OSBPL8: variants seen among roughly 807,000 people sequenced by gnomAD.
The protein encoded by OSBPL8 is oxysterol binding protein like 8.
Under a neutral mutation model 125.5 loss-of-function variants are expected in OSBPL8, and 59 were observed. That is an observed-to-expected ratio of 0.47 (90% CI 0.38 to 0.58). OSBPL8 has a LOEUF of 0.58. OSBPL8 is among the 20% of genes least tolerant of loss of function. The pLI, the probability that OSBPL8 is intolerant of heterozygous loss-of-function variation, is 0.00. For synonymous variants in OSBPL8, 330 were observed against 338.9 expected (o/e 0.97, Z 0.29); for missense variants, 758 against 1,047.8 (o/e 0.72, Z 3.82).
At chr12:76,500,419 G>T (rs1190850053) in intron 1 of OSBPL8, among the ~76,000 whole-genome samples, 3 of 152,098 alleles carry the variant, frequency 2.0e-5, no homozygotes, top group Non-Finnish European at 4.4e-5. Context: ...CTTCACGAAG[G>T]CTTCCTTGAT....
chr12:76,402,579 G>GT lies in OSBPL8; in HGVS notation c.366+109dup, dbSNP rs570320638. 3.8e-6 allele frequency: 3 copies of GT among 782,138 alleles called. No individual in the cohort carries two copies. The African/African-American group carries it at 5.4e-5, about 14-fold the overall frequency. 48.4% of individuals were successfully genotyped at this position (782,138 alleles called of 1,614,324 possible). ...TGCCTGCCTGTCTGTACCACTGGAT[G>GT]TTTTTTCTTTCTTTAGGAACACACA... is the stretch of plus-strand genomic sequence containing the variant. On this transcript the variant is annotated intron_variant, in intron 6 of 23. Coordinates refer to ENST00000261183, the MANE Select transcript of OSBPL8 (RefSeq NM_020841.5).
intron 2 of OSBPL8, among the ~76,000 whole-genome samples, chr12:76,471,632 G>C (rs1876148442): frequency 6.6e-6 from 1 of 152,166 alleles, no homozygotes; most frequent in Non-Finnish European, 1.5e-5. Context: ...ACATGGTTGA[G>C]TCACTTCAAT....
chr12:76,450,271 A>T (rs1873225136), intron 4 of OSBPL8, among the ~76,000 whole-genome samples: 1 of 152,136 alleles, frequency 6.6e-6, no homozygotes, highest in Non-Finnish European at 1.5e-5. Context: ...GCCCTCCACA[A>T]CAAAGAACTT....
chr12:76,434,437 G>C (rs1339178233), intron 4 of OSBPL8, among the ~76,000 whole-genome samples: 1 of 152,120 alleles, frequency 6.6e-6, no homozygotes, highest in Non-Finnish European at 1.5e-5. Flanking sequence ...CTTGACATTG[G>C]TCAGGGCAAT....
rs1182437110 is a variant in OSBPL8, at chr12:76,388,603, CAAT to C, written c.1352+1039_1352+1041del. Among the ~76,000 whole-genome samples, 14 of 152,262 alleles carry C rather than the reference CAAT, an allele frequency of 9.2e-5. No individual in the cohort carries two copies. In the East Asian group the frequency reaches 1.7e-3, roughly 19 times the overall value. On this transcript the variant is annotated intron_variant, in intron 12 of 23. Transcript: ENST00000261183. The stretch of plus-strand genomic sequence containing the variant: ...TTTTGTCAATGTGGTGGATAAACAA[CAAT>C]AACTTACTATAATTCAAATGTACAT...
chr12:76,372,669 C>T (rs1234801158), intron 18 of OSBPL8, among the ~76,000 whole-genome samples: 1 of 152,124 alleles, frequency 6.6e-6, no homozygotes, highest in Non-Finnish European at 1.5e-5. Flanking sequence ...ATACTCAGTG[C>T]TCATAGTATG....
chr12:76,447,386 C>T (rs1320461361), intron 4 of OSBPL8, among the ~76,000 whole-genome samples: 2 of 152,194 alleles, frequency 1.3e-5, no homozygotes, highest in African/African-American at 2.4e-5. Flanking sequence ...ACAAAGTATT[C>T]TTGCCAAAAA....
rs116603619 is a variant in OSBPL8 at position 76,441,992 on chromosome 12, T to C, written c.217+8859A>G. On this transcript the variant is annotated intron_variant, in intron 4 of 23. Coordinates refer to ENST00000261183, the MANE Select transcript of OSBPL8 (RefSeq NM_020841.5). The stretch of plus-strand genomic sequence containing the variant: ...AATGCTCGAGGAAATACATAACATA[T>C]TTTCCATGATGTGATTATTAGGCAT... Among the ~76,000 whole-genome samples the C allele has an allele frequency of 5.6e-3, 858 of 152,262 alleles. 15 individuals carry two copies. The highest frequency in any genetic ancestry group is 0.02 in the African/African-American group (832 of 41,554).
At chr12:76,391,335 G>A (rs2136296651) in intron 10 of OSBPL8, among the ~76,000 whole-genome samples, 1 of 152,110 alleles carries the variant, frequency 6.6e-6, no homozygotes, top group South Asian at 2.1e-4. Context: ...AAAGTGATTA[G>A]GGCAAAAAAT....
intron 1 of OSBPL8, among the ~76,000 whole-genome samples, chr12:76,542,026 C>A (rs1164128104): frequency 6.6e-6 from 1 of 152,004 alleles, no homozygotes; most frequent in African/African-American, 2.4e-5. Flanking sequence ...ACAAAATTAG[C>A]CAGGCGTGGT....
At chr12:76,506,789 A>G (rs1245419566) in intron 1 of OSBPL8, among the ~76,000 whole-genome samples, 1 of 152,186 alleles carries the variant, frequency 6.6e-6, no homozygotes, top group African/African-American at 2.4e-5. Flanking sequence ...AAGTACACCA[A>G]TCTCTTCATC....
chr12:76,475,125 A>G (rs1017504585), intron 2 of OSBPL8, among the ~76,000 whole-genome samples: 1 of 151,968 alleles, frequency 6.6e-6, no homozygotes, highest in Non-Finnish European at 1.5e-5. Context: ...ACTCCCATGA[A>G]TTTTTTTTAT....
chr12:76,459,886 C>G lies in OSBPL8; in HGVS notation c.52G>C (p.Asp18His). 3 of 1,613,768 alleles carry G rather than the reference C, an allele frequency of 1.9e-6. No homozygotes were observed. Among genetic ancestry groups the G allele is most frequent in the Non-Finnish European group, 2.5e-6 (3 of 1,179,956 alleles). The change falls in exon 3 of 24, where the codon GAT becomes CAT. Residue 18 changes from aspartate (D) to histidine (H), a missense_variant. This residue lies in a region of OSBPL8 where 117 missense variants were observed against 137.1 expected (regional missense o/e 0.85). Transcript: ENST00000261183. ...GATGGCCCAAGGACATCTTTGCTAT[C>G]ACCAAGAAGCTTTTAAGGCAGGGTA... ...GEPDRTSLLG[D>H]SKDVLGPSTV...
At chr12:76,399,497 C>G (rs1336849505) in intron 7 of OSBPL8, among the ~76,000 whole-genome samples, 1 of 152,086 alleles carries the variant, frequency 6.6e-6, no homozygotes, top group African/African-American at 2.4e-5. Flanking sequence ...TTTAAAATAG[C>G]TTTTATATTA....
chr12:76,410,623 C>T lies in OSBPL8; in HGVS notation c.229G>A (p.Gly77Arg). ...TTATTTTGAGAAATATCTTCCTTCC[C>T]TCTTTCAAAACCTTAAAAAAATAGT... Reference protein sequence around the residue: ...ASPHSQGFERGKEDISQNKDE... With the variant: ...ASPHSQGFERRKEDISQNKDE... Residue 77 changes from glycine to arginine, a missense_variant, in exon 5 of 24, where the codon GGG becomes AGG. Gly to Arg is a moderately radical substitution (Grantham distance 125, BLOSUM62 -2). Coordinates refer to ENST00000261183, the MANE Select transcript of OSBPL8 (RefSeq NM_020841.5). 1.2e-6 allele frequency: 2 copies of T among 1,604,624 alleles called. No individual in the cohort carries two copies. The highest frequency in any genetic ancestry group is 1.7e-6 in the Non-Finnish European group (2 of 1,172,580).
intron 1 of OSBPL8, among the ~76,000 whole-genome samples, chr12:76,512,204 T>G (rs1316959292): frequency 6.6e-6 from 1 of 152,192 alleles, no homozygotes; most frequent in Non-Finnish European, 1.5e-5. Context: ...AACTCCCACT[T>G]ATAAGAGAGA....
chr12:76,496,590 G>T (rs1879301320), intron 1 of OSBPL8, among the ~76,000 whole-genome samples: 1 of 151,874 alleles, frequency 6.6e-6, no homozygotes, highest in South Asian at 2.1e-4. Flanking sequence ...GCCCAGGCTG[G>T]AGTGCAATGG....
chr12:76,513,909 T>G (rs1237208561), intron 1 of OSBPL8, among the ~76,000 whole-genome samples: 1 of 152,036 alleles, frequency 6.6e-6, no homozygotes, highest in Non-Finnish European at 1.5e-5. Context: ...GCCTTTTAAG[T>G]GGGGCACTGA....
chr12:76,475,309 A>C (rs1876670377), intron 2 of OSBPL8, among the ~76,000 whole-genome samples: 2 of 152,188 alleles, frequency 1.3e-5, no homozygotes, highest in African/African-American at 4.8e-5. Context: ...TATGTTTAAA[A>C]GCTAAGTAGT....
Sources: gnomAD v4.1 joint callset for allele counts (sites outside exome capture counted in the v4.1 genomes callset) on GRCh38, gnomAD v4.1.1 for gene constraint, gnomAD v4.1.1 regional missense constraint, MANE v1.5 for transcripts, NCBI Gene and HGNC (gene_info 2026-07-23, HGNC 2026-07-21) for gene names.